Variants in IL16 observed in about 807,000 individuals in gnomAD.
IL16 encodes the protein interleukin 16.
A neutral mutation model predicts 110.1 loss-of-function variants in IL16; 67 were observed. The ratio of observed to expected loss-of-function variants is 0.61; its 90% CI spans 0.50 to 0.75. The LOEUF (loss-of-function observed/expected upper bound fraction) is 0.75, where lower values mean the gene tolerates loss of function less well. IL16 is among the 30% of genes least tolerant of loss of function. The pLI is 0.00. For missense variants in IL16, 1,545 were observed against 1,655.0 expected (o/e 0.93, Z 1.15); for synonymous variants, 689 against 662.9 (o/e 1.04, Z -0.61).
Position 81,292,990 on chromosome 15 carries a change from G to T in IL16, c.1855G>T (p.Glu619Ter). 1.2e-6 allele frequency: 2 copies of T among 1,613,174 alleles called. No homozygotes were observed. The highest frequency in any genetic ancestry group is 8.5e-7 in the Non-Finnish European group (1 of 1,180,024). Residue 619 changes from glutamate (E) to a stop codon, truncating the protein, a stop_gained, in exon 12 of 19, where the codon GAG (glutamate) becomes TAG (stop). Coordinates refer to ENST00000683961, the MANE Select transcript of IL16 (RefSeq NM_172217.5). LOFTEE classifies it high-confidence loss of function. ...SDPQKSLEER[E>*]NSSCSSGHTP... is the part of the protein sequence containing the mutation. ...CCCTCAGAAGAGTCTGGAAGAGAGA[G>T]AGAACTCCTCATGCTCTTCTGGGCA...
chr15:81,301,725 A>G (rs1900297016), intron 15 of IL16, among the ~76,000 whole-genome samples: 1 of 152,160 alleles, frequency 6.6e-6, no homozygotes, highest in African/African-American at 2.4e-5. Context: ...CAGTAGATTG[A>G]CTTCTTGCAT....
chr15:81,271,915 A>G (rs748841773), intron 5 of IL16, among the ~76,000 whole-genome samples: 9 of 152,176 alleles, frequency 5.9e-5, no homozygotes, highest in Non-Finnish European at 1.3e-4. Context: ...TGATGCTCCT[A>G]ATCAGCGCAG....
At chr15:81,298,973 T>G (rs563613971) in intron 13 of IL16, among the ~76,000 whole-genome samples, 50 of 152,352 alleles carry the variant, frequency 3.3e-4, no homozygotes, top group African/African-American at 1.2e-3. Flanking sequence ...GCTTTGGCTT[T>G]TACACATTTA....
chr15:81,294,742 ATAATT>A (rs1411750701), intron 12 of IL16, among the ~76,000 whole-genome samples: 1 of 152,202 alleles, frequency 6.6e-6, no homozygotes, highest in Non-Finnish European at 1.5e-5. Context: ...TCAGCACGAC[ATAATT>A]TTATTGGGCA....
chr15:81,301,620 A>G (rs1900291182), intron 15 of IL16, 108 bp downstream of exon 15: 1 of 920,564 alleles, frequency 1.1e-6, no homozygotes, highest in African/African-American at 1.7e-5. Flanking sequence ...CTCACATCAG[A>G]CCCAGGTTGC....
intron 2 of IL16, among the ~76,000 whole-genome samples, chr15:81,232,042 G>GTTTTTTTTTTTGTTTT (rs1897009850): frequency 3.5e-5 from 2 of 57,694 alleles, no homozygotes; most frequent in Non-Finnish European, 3.3e-5. Context: ...ATTTGTTCTT[G>GTTTTTTTTTTTGTTTT]TTTTTTTTTT....
intron 3 of IL16, among the ~76,000 whole-genome samples, chr15:81,264,687 C>A (rs1002744027): frequency 6.6e-6 from 1 of 152,192 alleles, no homozygotes; most frequent in Non-Finnish European, 1.5e-5. Context: ...AACTGCCCAA[C>A]ACATTAGCCA....
At chr15:81,275,054 C>A (rs1043669282) in intron 6 of IL16, among the ~76,000 whole-genome samples, 1 of 151,790 alleles carries the variant, frequency 6.6e-6, no homozygotes, top group African/African-American at 2.4e-5. Flanking sequence ...GCAGAGGTCG[C>A]AAAGGGCGGG....
At chr15:81,264,017 A>C (rs1160668645) in intron 3 of IL16, among the ~76,000 whole-genome samples, 1 of 152,106 alleles carries the variant, frequency 6.6e-6, no homozygotes. Context: ...GTTTCCCCAG[A>C]CCCGAAACGT....
chr15:81,222,327 T>G (rs553402939), intron 1 of IL16, among the ~76,000 whole-genome samples: 2 of 151,462 alleles, frequency 1.3e-5, no homozygotes, highest in East Asian at 3.9e-4. Flanking sequence ...CTGTTTTCCA[T>G]GCCTTATGCC....
At chr15:81,209,214 T>G (rs1896144088) in intron 1 of IL16, among the ~76,000 whole-genome samples, 5 of 152,132 alleles carry the variant, frequency 3.3e-5, no homozygotes, top group Admixed American at 2.6e-4. Flanking sequence ...ATTTCTGATG[T>G]GGCCAAAGTG....
At chr15:81,189,781 C>T (rs1260235223) in intron 1 of IL16, among the ~76,000 whole-genome samples, 4 of 152,210 alleles carry the variant, frequency 2.6e-5, no homozygotes, top group African/African-American at 9.6e-5. Flanking sequence ...CTTCAAGCGT[C>T]GGAGAGACAA....
chr15:81,205,742 C>G (rs1260401773), intron 1 of IL16, among the ~76,000 whole-genome samples: 1 of 152,084 alleles, frequency 6.6e-6, no homozygotes, highest in Non-Finnish European at 1.5e-5. Context: ...CAAACTCTCT[C>G]TCCCCAGTCC....
intron 1 of IL16, among the ~76,000 whole-genome samples, chr15:81,217,206 A>G (rs1479823503): frequency 2.6e-5 from 4 of 152,196 alleles, no homozygotes; most frequent in African/African-American, 7.2e-5. Flanking sequence ...AGGGGAGGCC[A>G]ACAGAAATGC....
chr15:81,188,267 A>C (rs979708470), intron 1 of IL16: 1 of 453,022 alleles, frequency 2.2e-6, no homozygotes, highest in Non-Finnish European at 4.4e-6. Context: ...CTGAATCGCT[A>C]TGTTGTTATG....
intron 2 of IL16, among the ~76,000 whole-genome samples, chr15:81,238,841 T>C (rs1897258140): frequency 6.6e-6 from 1 of 151,758 alleles, no homozygotes; most frequent in African/African-American, 2.4e-5. Flanking sequence ...TTTTTTTTTT[T>C]TACCTGAGAA....
chr15:81,293,482 C>T (rs926118473), intron 12 of IL16, among the ~76,000 whole-genome samples: 2 of 152,096 alleles, frequency 1.3e-5, no homozygotes, highest in Non-Finnish European at 2.9e-5. Context: ...CCGGGTGGAT[C>T]ATGAGCTCAG....
intron 2 of IL16, among the ~76,000 whole-genome samples, chr15:81,229,512 A>C (rs1302962766): frequency 1.3e-5 from 2 of 152,232 alleles, no homozygotes; most frequent in Admixed American, 1.3e-4. Context: ...GGCATTGTCC[A>C]ATTCAGAACC....
chr15:81,224,300 A>G (rs1896715707), intron 1 of IL16, among the ~76,000 whole-genome samples: 1 of 152,172 alleles, frequency 6.6e-6, no homozygotes. Flanking sequence ...GCATCCCACA[A>G]TTTGTTGTTC....
Sources: allele counts gnomAD v4.1 joint callset (sites outside exome capture counted in the v4.1 genomes callset), GRCh38; gene constraint gnomAD v4.1.1; transcripts MANE v1.5; gene names NCBI Gene and HGNC (gene_info 2026-07-23, HGNC 2026-07-21).